The following CHRNA4 variants were observed in gnomAD, a reference collection of about 807,000 sequenced individuals.
CHRNA4 encodes cholinergic receptor nicotinic alpha 4 subunit.
In CHRNA4, 28 loss-of-function variants were observed where a neutral mutation model predicts 48.9. The ratio of observed to expected loss-of-function variants is 0.57; its 90% CI spans 0.42 to 0.79. The LOEUF (loss-of-function observed/expected upper bound fraction) is 0.79, where lower values mean the gene tolerates loss of function less well. CHRNA4 is among the 30% of genes least tolerant of loss of function. The pLI, the probability that CHRNA4 is intolerant of heterozygous loss-of-function variation, is 0.00. For missense variants in CHRNA4, 859 were observed against 898.4 expected (o/e 0.96, Z 0.56); for synonymous variants, 425 against 402.3 (o/e 1.06, Z -0.68).
rs200768852 is a variant in CHRNA4 at position 63,345,147 on chromosome 20, A to G, written c.*1591T>C. On this transcript the variant is annotated 3_prime_UTR_variant, in exon 6 of 6. Transcript: ENST00000370263. This position sits in a 1 kb window ranked among gnomAD's most constrained non-coding sequence, Gnocchi z 5.4. ...TCGGCATGCCGGGTTCCTAACCTCA[A>G]TTATTCATTCTGCTCTCAGGCACCT... 2.0e-5 allele frequency: 9 copies of G among 453,592 alleles called. No individual in the cohort carries two copies. The highest frequency in any genetic ancestry group is 1.4e-4 in the East Asian group (2 of 14,358). The allele number at this position is 453,592 out of a possible 1,614,324, so 28.1% of individuals were successfully genotyped here. A position where few individuals can be genotyped will look rare whatever the true frequency, so the allele number is the denominator to read the frequency against.
chr20:63,354,969 CAATT>C (rs2068695999), intron 4 of CHRNA4, among the ~76,000 whole-genome samples: 1 of 152,162 alleles, frequency 6.6e-6, no homozygotes, highest in Non-Finnish European at 1.5e-5. Context: ...TTACTGGAAT[CAATT>C]GAGTTGGAAG....
intron 2 of CHRNA4, 170 bp from the exon 3 acceptor site, chr20:63,356,585 G>T (rs1329383267): frequency 1.2e-5 from 8 of 689,544 alleles, no homozygotes; most frequent in Non-Finnish European, 2.1e-5. Context: ...CCGAGCCCAG[G>T]ATGGGGACTC....
chr20:63,350,601 C>T lies in CHRNA4; in HGVS notation c.810G>A (p.Glu270=). 1.2e-6 allele frequency: 2 copies of T among 1,613,964 alleles called. No homozygotes were observed. The change falls in exon 5 of 6, where the codon GAG becomes GAA. Residue 270 remains glutamate (E), a synonymous_variant. Transcript: ENST00000370263. ...LTVLVFYLPS[E]CGEKITLCIS... ...TGCACAGCGTGATCTTCTCGCCACACTCGGAGGGCAGGTAGAAGACCAGCA... is the reference window on the plus strand; with the variant it reads ...TGCACAGCGTGATCTTCTCGCCACATTCGGAGGGCAGGTAGAAGACCAGCA...
intron 1 of CHRNA4, among the ~76,000 whole-genome samples, chr20:63,360,598 T>C (rs887703385): frequency 6.6e-6 from 1 of 151,932 alleles, no homozygotes; most frequent in Admixed American, 6.5e-5. Flanking sequence ...AGGGGTCAGT[T>C]CTACACCCCT....
At chr20:63,353,888 CGGGCTGTGGTCCTGGG>C (rs2068665435) in intron 4 of CHRNA4, among the ~76,000 whole-genome samples, 1 of 2,102 alleles carries the variant, frequency 4.8e-4, no homozygotes, top group African/African-American at 1.0e-3. Context: ...GTGGTCCTAG[CGGGCTGTGGTCCTGGG>C]GGGCTGTGGT....
chr20:63,359,820 A>C, intron 1 of CHRNA4, 121 bp from the exon 2 acceptor site: 1 of 1,114,286 alleles, frequency 9.0e-7, no homozygotes, highest in Non-Finnish European at 1.2e-6. Context: ...TCAGCTCCTC[A>C]CATGAGCCCT....
In CHRNA4 at chr20:63,350,487, C is replaced by T. The variant is rs753013440; in HGVS notation, c.924G>A (p.Glu308=). ...CGAAGATCATGGTGAACAGCAGGTA[C>T]TCGCCGATGAGTGGGATGACCAGTG... ...STSLVIPLIG[E]YLLFTMIFVT... Residue 308 remains glutamate (E), a synonymous_variant, in exon 5 of 6, where the codon GAG becomes GAA. Coordinates refer to ENST00000370263, the MANE Select transcript of CHRNA4 (RefSeq NM_000744.7). The T allele has an allele frequency of 1.9e-6, 3 of 1,613,790 alleles. No individual in the cohort carries two copies. Among genetic ancestry groups the T allele is most frequent in the South Asian group, 2.2e-5 (2 of 91,070 alleles).
chr20:63,345,038 G>A lies in CHRNA4; in HGVS notation c.*1700C>T, dbSNP rs1268122871. 1 of 452,700 alleles carries A rather than the reference G, an allele frequency of 2.2e-6. No individual in the cohort carries two copies. The highest frequency in any genetic ancestry group is 7.0e-5 in the East Asian group (1 of 14,328). The allele number at this position is 452,700 out of a possible 1,614,324, so 28.0% of individuals were successfully genotyped here. A position where few individuals can be genotyped will look rare whatever the true frequency, so the allele number is the denominator to read the frequency against. The stretch of plus-strand genomic sequence containing the variant: ...GGTGGGGGTGACCAGCAGCAGTTCA[G>A]AGGCAGGTGTGGGCAATGTGGGCCT... On this transcript the variant is annotated 3_prime_UTR_variant, in exon 6 of 6. Transcript: ENST00000370263. This position sits in a 1 kb window ranked among gnomAD's most constrained non-coding sequence, Gnocchi z 5.4.
chr20:63,354,783 G>A, intron 4 of CHRNA4: 1 of 329,934 alleles, frequency 3.0e-6, no homozygotes, highest in Non-Finnish European at 4.3e-6. Context: ...AGTCACACAG[G>A]CGGATTCGGT....
Position 63,350,845 on chromosome 20 carries a change from A to C in CHRNA4, c.566T>G (p.Ile189Ser). 1 of 1,613,938 alleles carries C rather than the reference A, an allele frequency of 6.2e-7. No individual in the cohort carries two copies. The highest frequency in any genetic ancestry group is 2.2e-5 in the East Asian group (1 of 44,874). ...GCGGCTGTGCATGTTCACCAGGTCGATCTTGGCCTTGTCGTAGGTCCAGGA... is the reference window on the plus strand; with the variant it reads ...GCGGCTGTGCATGTTCACCAGGTCGCTCTTGGCCTTGTCGTAGGTCCAGGA... Reference protein sequence around the residue: ...FGSWTYDKAKIDLVNMHSRVD... With the variant: ...FGSWTYDKAKSDLVNMHSRVD... The change falls in exon 5 of 6, where the codon ATC becomes AGC. Residue 189 changes from isoleucine (I) to serine (S), a missense_variant. By Grantham distance (142) the Ile-to-Ser change is moderately radical. Coordinates refer to ENST00000370263, the MANE Select transcript of CHRNA4 (RefSeq NM_000744.7).
rs1181117614 is a variant in CHRNA4 at position 63,345,466 on chromosome 20, C to T, written c.*1272G>A. 5.2e-5 allele frequency: 20 copies of T among 382,318 alleles called. 1 individual carries two copies. Among genetic ancestry groups the T allele is most frequent in the South Asian group, 3.2e-4 (17 of 53,312 alleles). 23.7% of individuals were successfully genotyped at this position (382,318 alleles called of 1,614,324 possible). On this transcript the variant is annotated 3_prime_UTR_variant, in exon 6 of 6. Coordinates refer to ENST00000370263, the MANE Select transcript of CHRNA4 (RefSeq NM_000744.7). This position sits in a 1 kb window ranked among gnomAD's most constrained non-coding sequence, Gnocchi z 5.4. ...GCCCCTGGGGACACTGGGGGGCTGC[C>T]GGGTGCGCCATCTTTAGGGGGTGCA... is the stretch of plus-strand genomic sequence containing the variant.
chr20:63,349,460 C>G (rs2068546662), intron 5 of CHRNA4, 193 bp downstream of exon 5: 1 of 743,254 alleles, frequency 1.3e-6, no homozygotes, highest in East Asian at 2.7e-5. Context: ...GCCCCCTGCC[C>G]CGCTCAGCCT....
chr20:63,360,416 G>C (rs897349607), intron 1 of CHRNA4, among the ~76,000 whole-genome samples: 1 of 152,204 alleles, frequency 6.6e-6, no homozygotes, highest in African/African-American at 2.4e-5. Flanking sequence ...TCGCTCTGGA[G>C]GAGCACAGCC....
chr20:63,360,032 G>A (rs1476967561), intron 1 of CHRNA4: 1 of 372,084 alleles, frequency 2.7e-6, no homozygotes, highest in Middle Eastern at 8.6e-4. Context: ...CTCAGCCCAC[G>A]GAGGCCTTCC....
chr20:63,359,586 C>T lies in CHRNA4; in HGVS notation c.190G>A (p.Val64Ile), dbSNP rs756367182. The part of the protein sequence containing the change: ...PVANISDVVL[V>I]RFGLSIAQLI... ...TGAGCGATGGACAGGCCGAAGCGGA[C>T]GAGGACCACGTCCGAGATGTTGGCC... The change falls in exon 2 of 6, where the codon GTC becomes ATC. Residue 64 changes from valine (V) to isoleucine (I), a missense_variant. Transcript: ENST00000370263. The T allele has an allele frequency of 1.3e-5, 21 of 1,612,602 alleles. No individual in the cohort carries two copies. Among genetic ancestry groups the T allele is most frequent in the South Asian group, 6.6e-5 (6 of 91,088 alleles).
chr20:63,351,120 CCCACACCCACAT>C (rs2068593443), intron 4 of CHRNA4, 93 bp from the exon 5 acceptor site: 24 of 1,365,262 alleles, frequency 1.8e-5, no homozygotes, highest in Non-Finnish European at 1.8e-5. Context: ...CACGTCCACA[CCCACACCCACAT>C]CCACGCCCAC....
chr20:63,361,133 C>T lies in CHRNA4; in HGVS notation c.33G>A (p.Leu11=). ...CCAGAAGCAGCAGCAGCGGCGGCAG[C>T]AGCCGCGGCGCTCCGGGGCCCCCTA... is the stretch of plus-strand genomic sequence containing the variant. MELGGPGAPR[L]LPPLLLLLGT... The change falls in exon 1 of 6, where the codon CTG becomes CTA. Residue 11 remains leucine (L), a synonymous_variant. Transcript: ENST00000370263. 2 of 1,478,674 alleles carry T rather than the reference C, an allele frequency of 1.4e-6. No individual in the cohort carries two copies. Among genetic ancestry groups the T allele is most frequent in the African/African-American group, 1.5e-5 (1 of 68,430 alleles). 91.6% of individuals were successfully genotyped at this position (1,478,674 alleles called of 1,614,324 possible). A position where few individuals can be genotyped will look rare whatever the true frequency, so the allele number is the denominator to read the frequency against.
At chr20:63,358,041 A>G (rs1160575792) in intron 2 of CHRNA4, among the ~76,000 whole-genome samples, 3 of 152,176 alleles carry the variant, frequency 2.0e-5, no homozygotes, top group Non-Finnish European at 4.4e-5. Flanking sequence ...TCTGCCAGCT[A>G]TCACTTTGCA....
In CHRNA4 at chr20:63,344,762, T is replaced by C. The variant is rs1445522192; in HGVS notation, c.*1976A>G. ...CTGAGACCAGTGTCTCCTGCCAGCT[T>C]CCATGGCCCCGGGATGACCTCACTC... is the stretch of plus-strand genomic sequence containing the variant. On this transcript the variant is annotated 3_prime_UTR_variant, in exon 6 of 6. Coordinates refer to ENST00000370263, the MANE Select transcript of CHRNA4 (RefSeq NM_000744.7). The surrounding 1 kb of genome is among the most constrained non-coding windows in gnomAD (Gnocchi z 4.5). 2.6e-5 allele frequency: 12 copies of C among 454,094 alleles called. No homozygotes were observed. Among genetic ancestry groups the C allele is most frequent in the South Asian group, 1.9e-4 (12 of 64,468 alleles). 28.1% of individuals were successfully genotyped at this position (454,094 alleles called of 1,614,324 possible). A position where few individuals can be genotyped will look rare whatever the true frequency, so the allele number is the denominator to read the frequency against.
Sources: gnomAD v4.1 joint callset for allele counts (sites outside exome capture counted in the v4.1 genomes callset) on GRCh38, gnomAD v4.1.1 for gene constraint, Gnocchi (gnomAD v3.1) non-coding constraint, MANE v1.5 for transcripts, NCBI Gene and HGNC (gene_info 2026-07-23, HGNC 2026-07-21) for gene names.